The following NTNG1 variants were observed in gnomAD, a reference collection of about 807,000 sequenced individuals.
The protein encoded by NTNG1 is netrin G1, also known as netrin-G1.
A neutral mutation model predicts 54.0 loss-of-function variants in NTNG1; 16 were observed. The observed-to-expected ratio is 0.30, with a 90% confidence interval of 0.20 to 0.45. The LOEUF is 0.45. NTNG1 is among the 20% of genes least tolerant of loss of function. NTNG1 has a pLI of 1.00. For missense variants in NTNG1, 530 were observed against 678.7 expected (o/e 0.78, Z 2.43); for synonymous variants, 255 against 263.1 (o/e 0.97, Z 0.30).
chr1:107,199,222 C>A lies in NTNG1; in HGVS notation c.246+50383C>A, dbSNP rs1471234414. 2.0e-5 allele frequency among the ~76,000 whole-genome samples: 3 copies of A among 151,706 alleles called. 1 individual carries two copies. The highest frequency in any genetic ancestry group is 6.8e-3 in the Middle Eastern group (2 of 294). ...TACCTTCAGTTATCTCCCCAGTTTT[C>A]TTAATTCTTTTATGTATTCTCATGT... On this transcript the variant is annotated intron_variant, in intron 2 of 7. Transcript: ENST00000370068.
At chr1:107,245,327 C>T (rs1172480139) in intron 2 of NTNG1, among the ~76,000 whole-genome samples, 1 of 152,168 alleles carries the variant, frequency 6.6e-6, no homozygotes, top group Non-Finnish European at 1.5e-5. Flanking sequence ...GCATAATTTA[C>T]CACTGCAGTT....
At chr1:107,157,981 T>A (rs1655125746) in intron 2 of NTNG1, among the ~76,000 whole-genome samples, 1 of 152,156 alleles carries the variant, frequency 6.6e-6, no homozygotes, top group Admixed American at 6.6e-5. Context: ...ATTTTGGTGG[T>A]AGAGACATAA....
At chr1:107,428,157 C>T (rs1675017292) in intron 5 of NTNG1, among the ~76,000 whole-genome samples, 1 of 152,102 alleles carries the variant, frequency 6.6e-6, no homozygotes, top group African/African-American at 2.4e-5. Flanking sequence ...TCCCTAACTT[C>T]ATACCTTTGC....
At chr1:107,378,187 C>T (rs1671418578) in intron 3 of NTNG1, among the ~76,000 whole-genome samples, 2 of 152,228 alleles carry the variant, frequency 1.3e-5, no homozygotes, top group Non-Finnish European at 1.5e-5. Flanking sequence ...CAACCCTGTG[C>T]TTCCCCAAGT....
intron 2 of NTNG1, among the ~76,000 whole-genome samples, chr1:107,242,116 A>C (rs1249382222): frequency 6.6e-6 from 1 of 152,094 alleles, no homozygotes; most frequent in Admixed American, 6.5e-5. Context: ...CTTTACAAAA[A>C]TACAAGCATT....
intron 2 of NTNG1, among the ~76,000 whole-genome samples, chr1:107,176,091 A>G (rs1309422062): frequency 6.6e-6 from 1 of 152,192 alleles, no homozygotes; most frequent in Non-Finnish European, 1.5e-5. Context: ...TGGGTAGTTG[A>G]GTAAAATTTC....
intron 2 of NTNG1, among the ~76,000 whole-genome samples, chr1:107,269,271 T>C (rs1663968183): frequency 6.6e-6 from 1 of 152,200 alleles, no homozygotes; most frequent in South Asian, 2.1e-4. Context: ...GGCTGGAATT[T>C]TCTTACTTCC....
Position 107,482,339 on chromosome 1 carries a change from C to G in NTNG1, c.*1499C>G, listed in dbSNP as rs1421833341. 6.6e-6 allele frequency: 1 copy of G among 152,150 alleles called. No individual in the cohort carries two copies. The highest frequency in any genetic ancestry group is 1.5e-5 in the Non-Finnish European group (1 of 68,016). 9.4% of individuals were successfully genotyped at this position (152,150 alleles called of 1,614,324 possible). A position where few individuals can be genotyped will look rare whatever the true frequency, so the allele number is the denominator to read the frequency against. ...AGACTTAAGTATTTAGAGGAAATAT[C>G]AAAATATAAAGCAGCAAGTAGACAT... On this transcript the variant is annotated 3_prime_UTR_variant, in exon 8 of 8. Transcript: ENST00000370068.
chr1:107,422,161 G>T (rs575289946), intron 5 of NTNG1, among the ~76,000 whole-genome samples: 1 of 152,184 alleles, frequency 6.6e-6, no homozygotes, highest in Non-Finnish European at 1.5e-5. Context: ...GAACATAGAA[G>T]ATGCCAATTT....
At chr1:107,291,653 C>A (rs1665611780) in intron 2 of NTNG1, among the ~76,000 whole-genome samples, 1 of 151,990 alleles carries the variant, frequency 6.6e-6, no homozygotes, top group African/African-American at 2.4e-5. Flanking sequence ...TTATATTATA[C>A]CCTACCTCAA....
At chr1:107,356,847 A>T (rs1360083064) in intron 3 of NTNG1, among the ~76,000 whole-genome samples, 3 of 152,046 alleles carry the variant, frequency 2.0e-5, no homozygotes, top group African/African-American at 7.2e-5. Context: ...TAAAAAATAT[A>T]TAAAAGTTAG....
chr1:107,283,323 C>A (rs900812882), intron 2 of NTNG1, among the ~76,000 whole-genome samples: 1 of 152,098 alleles, frequency 6.6e-6, no homozygotes, highest in African/African-American at 2.4e-5. Flanking sequence ...CCTACCAGCT[C>A]TTCTTTCCTA....
chr1:107,443,487 C>CTCTG (rs1676108449), intron 7 of NTNG1, among the ~76,000 whole-genome samples: 1 of 152,044 alleles, frequency 6.6e-6, no homozygotes, highest in Non-Finnish European at 1.5e-5. Context: ...TTCCAATTGC[C>CTCTG]TCTGTGAGAT....
At chr1:107,403,184 G>A (rs918040030) in intron 4 of NTNG1, among the ~76,000 whole-genome samples, 5 of 152,088 alleles carry the variant, frequency 3.3e-5, no homozygotes, top group Non-Finnish European at 7.4e-5. Flanking sequence ...CCCCCTAATT[G>A]CAGCAGAATA....
At chr1:107,341,007 A>G (rs1277703523) in intron 3 of NTNG1, among the ~76,000 whole-genome samples, 1 of 152,048 alleles carries the variant, frequency 6.6e-6, no homozygotes, top group Non-Finnish European at 1.5e-5. Context: ...CTTTGAAAGT[A>G]GCTTTGGGCC....
At chr1:107,445,235 T>A (rs949012169) in intron 7 of NTNG1, among the ~76,000 whole-genome samples, 1 of 152,062 alleles carries the variant, frequency 6.6e-6, no homozygotes, top group Non-Finnish European at 1.5e-5. Flanking sequence ...GTTCTAGGTG[T>A]AACTCCACCA....
At chr1:107,250,292 G>C (rs911705090) in intron 2 of NTNG1, among the ~76,000 whole-genome samples, 1 of 152,200 alleles carries the variant, frequency 6.6e-6, no homozygotes, top group Non-Finnish European at 1.5e-5. Context: ...ACCAAATTCA[G>C]GATGGTGGTT....
In NTNG1 at chr1:107,481,089, G is replaced by A. The variant is rs1412000521; in HGVS notation, c.*249G>A. On this transcript the variant is annotated 3_prime_UTR_variant, in exon 8 of 8. Transcript: ENST00000370068. Reference sequence around the variant, plus strand: ...ATTATCACTGCAAATCACATTGCCAGCTGCAGAGCATATTGTGGATTGGAA... The same window carrying A: ...ATTATCACTGCAAATCACATTGCCAACTGCAGAGCATATTGTGGATTGGAA... The A allele has an allele frequency of 6.0e-6, 3 of 498,712 alleles. No individual in the cohort carries two copies. Among genetic ancestry groups the A allele is most frequent in the Non-Finnish European group, 1.1e-5 (3 of 279,778 alleles). The allele number at this position is 498,712 out of a possible 1,614,324, so 30.9% of individuals were successfully genotyped here.
chr1:107,380,803 C>G (rs1320317792), intron 3 of NTNG1, among the ~76,000 whole-genome samples: 1 of 152,172 alleles, frequency 6.6e-6, no homozygotes, highest in Non-Finnish European at 1.5e-5. Context: ...CTGCTGGTCC[C>G]TTACCCTCAA....
Sources: allele counts gnomAD v4.1 joint callset (sites outside exome capture counted in the v4.1 genomes callset), GRCh38; gene constraint gnomAD v4.1.1; transcripts MANE v1.5; gene names NCBI Gene and HGNC (gene_info 2026-07-23, HGNC 2026-07-21).